Variants in TOM1L1 observed in about 807,000 individuals in gnomAD.
TOM1L1 encodes the protein TOM1-like protein 1.
TOM1L1 carries 64 observed loss-of-function variants against 63.4 expected under a neutral mutation model. The ratio of observed to expected loss-of-function variants is 1.01; its 90% CI spans 0.83 to 1.24. The LOEUF (loss-of-function observed/expected upper bound fraction) is 1.24. Among genes scored for constraint, TOM1L1 ranks in the 50% most tolerant of loss-of-function variants. The probability of loss-of-function intolerance (pLI) is 0.00; values close to 1 mark genes in which losing one functional copy is unlikely to be tolerated. For missense variants in TOM1L1, 536 were observed against 567.0 expected, an observed-to-expected ratio of 0.95 and a Z score of 0.55; for synonymous variants, 166 against 194.4, an observed-to-expected ratio of 0.85 and a Z score of 1.22.
At chr17:54,912,553 A>C in intron 3 of TOM1L1, 113 bp from the exon 4 acceptor site, 1 of 881,810 alleles carries the variant, frequency 1.1e-6, no homozygotes, top group Non-Finnish European at 1.6e-6. Context: ...ATACTAAATT[A>C]TGTTTGTTAA....
chr17:54,925,419 G>A (rs1187964759), intron 7 of TOM1L1, among the ~76,000 whole-genome samples: 1 of 152,204 alleles, frequency 6.6e-6, no homozygotes, highest in Non-Finnish European at 1.5e-5. Flanking sequence ...GAAGACAGGG[G>A]ATCTGGCGAT....
At chr17:54,938,733 A>G (rs2048990530) in intron 10 of TOM1L1, 191 bp from the exon 11 acceptor site, 1 of 456,798 alleles carries the variant, frequency 2.2e-6, no homozygotes, top group Admixed American at 4.2e-5. Flanking sequence ...ATGCTTTTTA[A>G]TTTCTCTTAG....
At chr17:54,932,552 C>A (rs2143869875) in intron 8 of TOM1L1, among the ~76,000 whole-genome samples, 1 of 152,204 alleles carries the variant, frequency 6.6e-6, no homozygotes, top group Non-Finnish European at 1.5e-5. Context: ...TCCCAAGTAG[C>A]TGGGATTACA....
At chr17:54,914,982 G>A (rs142963542) in intron 6 of TOM1L1, among the ~76,000 whole-genome samples, 104 of 152,252 alleles carry the variant, frequency 6.8e-4, no homozygotes, top group Middle Eastern at 3.4e-3. Context: ...CTTGCCTAGC[G>A]GCTTTCATGG....
intron 14 of TOM1L1, among the ~76,000 whole-genome samples, chr17:54,959,998 T>C (rs12938118): frequency 0.21 from 31,761 of 152,078 alleles, 3,891 homozygotes; most frequent in Non-Finnish European, 0.27. Context: ...ATTTGAGTCA[T>C]ATTTCTCATT....
chr17:54,905,522 G>C lies in TOM1L1; in HGVS notation c.177G>C (p.Arg59Ser), dbSNP rs527597267. 1 of 1,612,214 alleles carries C rather than the reference G, an allele frequency of 6.2e-7. No homozygotes were observed. The highest frequency in any genetic ancestry group is 1.3e-5 in the African/African-American group (1 of 74,966). The change falls in exon 3 of 16, where the codon AGG becomes AGC. Residue 59 changes from arginine to serine, a missense_variant. Physicochemically the swap from Arg to Ser is moderately radical, Grantham distance 110. Coordinates refer to ENST00000575882, the MANE Select transcript of TOM1L1 (RefSeq NM_005486.3). ...PKDAVKALKK[R>S]ISKNYNHKEI... ...ATGCAGTGAAAGCTTTGAAGAAAAG[G>C]ATTTCCAAAAACTACAATCATAAAG...
chr17:54,949,974 A>C, intron 13 of TOM1L1, 71 bp from the exon 14 acceptor site: 2 of 1,232,922 alleles, frequency 1.6e-6, no homozygotes, highest in Non-Finnish European at 2.3e-6. Context: ...TCTAAATTAT[A>C]AAAAGAATAT....
chr17:54,946,484 A>T (rs2049121172), intron 11 of TOM1L1, among the ~76,000 whole-genome samples: 1 of 152,190 alleles, frequency 6.6e-6, no homozygotes, highest in Non-Finnish European at 1.5e-5. Flanking sequence ...GAAGAGGAAG[A>T]TTCTTCTGTG....
Position 54,933,847 on chromosome 17 carries a change from C to T in TOM1L1, c.855-2802C>T, listed in dbSNP as rs140677235. On this transcript the variant is annotated intron_variant, in intron 8 of 15. Coordinates refer to ENST00000575882, the MANE Select transcript of TOM1L1 (RefSeq NM_005486.3). ...TCCACAGCTCGGTTTTATACATTTT[C>T]GGGAGATATGAGACATCAATCAATA... is the stretch of plus-strand genomic sequence containing the variant. 7.6e-4 allele frequency among the ~76,000 whole-genome samples: 116 copies of T among 152,152 alleles called. 1 individual carries two copies. The highest frequency in any genetic ancestry group is 2.6e-3 in the African/African-American group (107 of 41,522).
rs149746148 is a variant in TOM1L1 at position 54,900,871 on chromosome 17, G to A, written c.6G>A (p.Ala2=). Reference sequence around the variant, plus strand: ...CCCGGCCCTCTGGCGCTACCATGGCGTTTGGCAAGAGTCACCGGGATCCCT... The same window carrying A: ...CCCGGCCCTCTGGCGCTACCATGGCATTTGGCAAGAGTCACCGGGATCCCT... M[A]FGKSHRDPYA... The change falls in exon 1 of 16, where the codon GCG becomes GCA. Residue 2 remains alanine, a synonymous_variant. Transcript: ENST00000575882. 1.7e-5 allele frequency: 27 copies of A among 1,613,558 alleles called. No individual in the cohort carries two copies. The highest frequency in any genetic ancestry group is 2.1e-5 in the Non-Finnish European group (25 of 1,180,040).
At position 54,961,569 on chromosome 17, in the gene TOM1L1, A is replaced by G. The variant is rs2077125935; in HGVS notation, c.*336A>G. 2.3e-6 allele frequency: 3 copies of G among 1,314,686 alleles called. No homozygotes were observed. The highest frequency in any genetic ancestry group is 7.1e-5 in the Admixed American group (2 of 28,104). The allele number at this position is 1,314,686 out of a possible 1,614,324, so 81.4% of individuals were successfully genotyped here. On this transcript the variant is annotated 3_prime_UTR_variant, in exon 16 of 16. Transcript: ENST00000575882. Reference sequence around the variant, plus strand: ...ATTTAGAAATCGTCACACAGCTGTGATAAGAGTAGATTATTTTACTATGAA... The same window carrying G: ...ATTTAGAAATCGTCACACAGCTGTGGTAAGAGTAGATTATTTTACTATGAA...
At chr17:54,953,655 A>C (rs996502509) in intron 14 of TOM1L1, 2 of 152,028 alleles carry the variant, frequency 1.3e-5, no homozygotes, top group Non-Finnish European at 2.9e-5. Context: ...GGCCCTGGTC[A>C]CTCACCCATG....
chr17:54,914,503 T>G, intron 5 of TOM1L1, 136 bp from the exon 6 acceptor site: 1 of 650,754 alleles, frequency 1.5e-6, no homozygotes, highest in African/African-American at 1.8e-5. Context: ...ACGGGTTGTG[T>G]AGCTGATGAT....
intron 3 of TOM1L1, among the ~76,000 whole-genome samples, chr17:54,906,196 C>T (rs35318699): frequency 0.084 from 12,678 of 151,700 alleles, 691 homozygotes; most frequent in East Asian, 0.12. Flanking sequence ...TGGCTGGGTA[C>T]GGTGGCTCAC....
chr17:54,913,747 G>C lies in TOM1L1; in HGVS notation c.373-1G>C, dbSNP rs1426695385. 3 of 1,600,394 alleles carry C rather than the reference G, an allele frequency of 1.9e-6. No homozygotes were observed. The highest frequency in any genetic ancestry group is 2.6e-6 in the Non-Finnish European group (3 of 1,172,162). On this transcript the variant is annotated splice_acceptor_variant, in intron 4 of 15. Transcript: ENST00000575882. LOFTEE classifies it high-confidence loss of function. ...GAACTTTTTTCATCTCTTGAATTCA[G>C]ACTTGGTCACAGGGCTTCCCAGGAG...
At chr17:54,903,841 G>C (rs375285546) in intron 2 of TOM1L1, 49 bp downstream of exon 2, 1 of 1,504,556 alleles carries the variant, frequency 6.6e-7, no homozygotes, top group Non-Finnish European at 9.2e-7. Context: ...AGAAGCATCA[G>C]AACTACAGCA....
chr17:54,931,949 G>GTTTTTTTTTTTTTTT (rs10632110), intron 8 of TOM1L1, among the ~76,000 whole-genome samples: 9 of 121,472 alleles, frequency 7.4e-5, no homozygotes, highest in African/African-American at 2.9e-4. Flanking sequence ...TTTTTTCTTC[G>GTTTTTTTTTTTTTTT]TTTTTTTTTT....
In TOM1L1 at chr17:54,912,677, G is replaced by C. The variant is rs774802199; in HGVS notation, c.234G>C (p.Met78Ile). The part of the protein sequence containing the change: ...EIQLTLSLID[M>I]CVQNCGPSFQ... ...TTTTTCTAATTTAGCTTATTGACAT[G>C]TGTGTGCAGAACTGTGGTCCAAGTT... is the stretch of plus-strand genomic sequence containing the variant. Residue 78 changes from methionine to isoleucine, a missense_variant, in exon 4 of 16, where the codon ATG (methionine) becomes ATC (isoleucine). Coordinates refer to ENST00000575882, the MANE Select transcript of TOM1L1 (RefSeq NM_005486.3). 2.1e-5 allele frequency: 33 copies of C among 1,564,288 alleles called. No homozygotes were observed. Among genetic ancestry groups the C allele is most frequent in the African/African-American group, 4.2e-5 (3 of 71,874 alleles).
chr17:54,905,656 A>G, intron 3 of TOM1L1, 89 bp downstream of exon 3: 1 of 823,642 alleles, frequency 1.2e-6, no homozygotes, highest in South Asian at 1.7e-5. Flanking sequence ...AGAAGCAAGT[A>G]TTCTGAGAAA....
Sources: allele counts gnomAD v4.1 joint callset (sites outside exome capture counted in the v4.1 genomes callset), GRCh38; gene constraint gnomAD v4.1.1; transcripts MANE v1.5; gene names NCBI Gene and HGNC (gene_info 2026-07-23, HGNC 2026-07-21).